TLL1: variants seen among roughly 807,000 people sequenced by gnomAD.
TLL1 encodes the protein tolloid-like protein 1.
A neutral mutation model predicts 128.2 loss-of-function variants in TLL1; 49 were observed. The observed-to-expected ratio is 0.38, with a 90% CI of 0.30 to 0.48. The LOEUF is 0.48. Among genes scored for constraint, TLL1 ranks in the 20% least tolerant of loss-of-function variants. TLL1 has a pLI of 0.96. For synonymous variants in TLL1, 454 were observed against 418.8 expected, an observed-to-expected ratio of 1.08 and a Z score of -1.03; for missense variants, 1,123 against 1,242.0, an observed-to-expected ratio of 0.90 and a Z score of 1.44.
intron 9 of TLL1, among the ~76,000 whole-genome samples, chr4:166,033,942 A>G (rs902009373): frequency 3.9e-5 from 6 of 152,208 alleles, no homozygotes; most frequent in African/African-American, 9.6e-5. Context: ...TAACCCATTT[A>G]GAAGCTATTG....
intron 19 of TLL1, among the ~76,000 whole-genome samples, chr4:166,095,448 A>G (rs1005438154): frequency 2.4e-4 from 37 of 152,088 alleles, no homozygotes; most frequent in African/African-American, 7.2e-4. Context: ...CTAAGAGGAT[A>G]TGGCTACAAA....
chr4:165,936,697 G>C (rs1733779299), intron 1 of TLL1, among the ~76,000 whole-genome samples: 1 of 151,954 alleles, frequency 6.6e-6, no homozygotes, highest in Non-Finnish European at 1.5e-5. Context: ...AAAGGCTGAG[G>C]TGGGTGGATC....
chr4:165,898,668 A>G (rs992223164), intron 1 of TLL1, among the ~76,000 whole-genome samples: 7 of 152,190 alleles, frequency 4.6e-5, no homozygotes, highest in African/African-American at 1.4e-4. Context: ...GATGTTCATC[A>G]GGGATATTGG....
chr4:165,991,091 A>G (rs547653588), intron 2 of TLL1, among the ~76,000 whole-genome samples: 37 of 152,122 alleles, frequency 2.4e-4, no homozygotes, highest in African/African-American at 8.4e-4. Context: ...ATTAGCTCTA[A>G]GCTTTAGATC....
chr4:165,932,987 A>G (rs11942650), intron 1 of TLL1, among the ~76,000 whole-genome samples: 9,550 of 152,300 alleles, frequency 0.063, 411 homozygotes, highest in East Asian at 0.16. Flanking sequence ...TTCCGATTAG[A>G]AAGTTAAAAC....
At chr4:165,959,519 C>T (rs1039175719) in intron 1 of TLL1, among the ~76,000 whole-genome samples, 1 of 151,940 alleles carries the variant, frequency 6.6e-6, no homozygotes, top group Non-Finnish European at 1.5e-5. Context: ...GAATATTCCT[C>T]CCAACAACTA....
intron 12 of TLL1, among the ~76,000 whole-genome samples, chr4:166,054,215 C>T (rs1043634556): frequency 2.0e-5 from 3 of 152,010 alleles, no homozygotes; most frequent in South Asian, 2.1e-4. Flanking sequence ...GTTGATTCTA[C>T]TATATAGTAG....
chr4:166,100,984 CA>C lies in TLL1; in HGVS notation c.*114del. ...AAATGTTTTATACAAAGAGTTTGAA[CA>C]AAAAATCCCTGTAAGACCAGAATTA... On this transcript the variant is annotated 3_prime_UTR_variant, in exon 21 of 21. Transcript: ENST00000061240. 1 of 1,396,794 alleles carries C rather than the reference CA, an allele frequency of 7.2e-7. No homozygotes were observed. The highest frequency in any genetic ancestry group is 9.8e-7 in the Non-Finnish European group (1 of 1,020,414). 86.5% of individuals were successfully genotyped at this position (1,396,794 alleles called of 1,614,324 possible).
intron 1 of TLL1, among the ~76,000 whole-genome samples, chr4:165,894,778 G>T (rs1274521530): frequency 1.3e-5 from 2 of 151,588 alleles, no homozygotes; most frequent in African/African-American, 4.9e-5. Context: ...GGTTGAGGAG[G>T]TTCCTTTCTG....
intron 20 of TLL1, among the ~76,000 whole-genome samples, 158 bp downstream of exon 20, chr4:166,099,685 C>A (rs1242188884): frequency 1.3e-5 from 2 of 150,614 alleles, no homozygotes; most frequent in African/African-American, 4.9e-5. Flanking sequence ...TATAACACGT[C>A]TCTACCCTTA....
At chr4:166,073,322 C>T (rs188084249) in intron 16 of TLL1, among the ~76,000 whole-genome samples, 2 of 152,232 alleles carry the variant, frequency 1.3e-5, no homozygotes, top group African/African-American at 4.8e-5. Context: ...ATTTATAATT[C>T]ATAAACTATA....
intron 1 of TLL1, among the ~76,000 whole-genome samples, chr4:165,978,366 A>T (rs1735986484): frequency 6.6e-6 from 1 of 151,958 alleles, no homozygotes; most frequent in Non-Finnish European, 1.5e-5. Flanking sequence ...ATTCCAGTTC[A>T]TTTTTGGGGT....
chr4:165,951,914 A>G (rs1476891314), intron 1 of TLL1, among the ~76,000 whole-genome samples: 2 of 152,172 alleles, frequency 1.3e-5, no homozygotes, highest in East Asian at 3.9e-4. Context: ...TGATCTTAAA[A>G]GAGAGCACAG....
chr4:166,048,376 A>G (rs1258566984), intron 12 of TLL1, among the ~76,000 whole-genome samples: 2 of 152,164 alleles, frequency 1.3e-5, no homozygotes, highest in Non-Finnish European at 2.9e-5. Context: ...CTTGAAAACT[A>G]TGGAAATAAA....
chr4:165,985,645 C>T (rs1190405994), intron 1 of TLL1, among the ~76,000 whole-genome samples: 1 of 151,952 alleles, frequency 6.6e-6, no homozygotes, highest in African/African-American at 2.4e-5. Context: ...GAATTGGGGA[C>T]ATGGGTGGAA....
intron 1 of TLL1, among the ~76,000 whole-genome samples, chr4:165,888,967 CT>C (rs1324188692): frequency 6.6e-6 from 1 of 152,182 alleles, no homozygotes; most frequent in African/African-American, 2.4e-5. Flanking sequence ...CAGTTGAAAG[CT>C]GGTTTTAGTC....
chr4:166,074,947 T>A lies in TLL1; in HGVS notation c.2258T>A (p.Met753Lys), dbSNP rs897492381. ...TGTGTCAACACGATGGGGAGCTACA[T>A]GTGTCAATGCCGTAATGGATTTGTG... Reference protein sequence around the residue: ...HECVNTMGSYMCQCRNGFVLH... With the variant: ...HECVNTMGSYKCQCRNGFVLH... Residue 753 changes from methionine to lysine, a missense_variant, in exon 17 of 21, where the codon ATG (methionine) becomes AAG (lysine). By Grantham distance (95) the Met-to-Lys change is moderately conservative. Transcript: ENST00000061240. 6.2e-7 allele frequency: 1 copy of A among 1,613,566 alleles called. No individual in the cohort carries two copies. Among genetic ancestry groups the A allele is most frequent in the Admixed American group, 1.7e-5 (1 of 59,984 alleles).
chr4:165,883,132 G>A (rs1460062), intron 1 of TLL1, among the ~76,000 whole-genome samples: 95,852 of 151,900 alleles, frequency 0.63, 32,755 homozygotes, highest in East Asian at 0.88. Flanking sequence ...GGCTTCATAC[G>A]CAAAACTGTA....
At chr4:165,903,204 G>A (rs1270582632) in intron 1 of TLL1, among the ~76,000 whole-genome samples, 1 of 151,880 alleles carries the variant, frequency 6.6e-6, no homozygotes, top group Non-Finnish European at 1.5e-5. Context: ...TGGGTGTGGT[G>A]GTGCATGCCC....
Sources: gnomAD v4.1 joint callset for allele counts (sites outside exome capture counted in the v4.1 genomes callset) on GRCh38, gnomAD v4.1.1 for gene constraint, MANE v1.5 for transcripts, NCBI Gene and HGNC (gene_info 2026-07-23, HGNC 2026-07-21) for gene names.